ROBO2: variants seen among roughly 807,000 people sequenced by gnomAD.
ROBO2 encodes roundabout guidance receptor 2.
ROBO2 carries 53 observed loss-of-function variants against 160.8 expected under a neutral mutation model. That is an observed-to-expected ratio of 0.33 (90% CI 0.26 to 0.41). ROBO2 has a LOEUF of 0.41. Among genes scored for constraint, ROBO2 ranks in the 10% least tolerant of loss-of-function variants. ROBO2 has a pLI of 1.00. For synonymous variants in ROBO2, 664 were observed against 611.7 expected (o/e 1.09, Z -1.26); for missense variants, 1,577 against 1,722.4 (o/e 0.92, Z 1.49).
At chr3:76,678,032 G>A (rs1475404548) in intron 2 of ROBO2, among the ~76,000 whole-genome samples, 6 of 134,158 alleles carry the variant, frequency 4.5e-5, no homozygotes, top group African/African-American at 1.5e-4. Context: ...GTGCAGTGGC[G>A]TGATCTCAGC....
At chr3:76,327,632 T>C (rs1427034556) in intron 2 of ROBO2, among the ~76,000 whole-genome samples, 1 of 152,154 alleles carries the variant, frequency 6.6e-6, no homozygotes, top group East Asian at 1.9e-4. Context: ...TGCATAAATA[T>C]AAACACTAAT....
chr3:76,887,634 C>T lies in ROBO2; in HGVS notation c.110-210380C>T, dbSNP rs566424599. On this transcript the variant is annotated intron_variant, in intron 2 of 26. Transcript: ENST00000487694. The stretch of plus-strand genomic sequence containing the variant: ...AAAAAATGTCCTGCTAAACATAGTT[C>T]TCTCAAAAATATTTTTCTGAGATTC... Among the ~76,000 whole-genome samples, 4 of 152,176 alleles carry T rather than the reference C, an allele frequency of 2.6e-5. No homozygotes were observed. The South Asian group carries it at 8.3e-4, about 32-fold the overall frequency.
chr3:76,920,814 A>G (rs916896317), intron 2 of ROBO2, among the ~76,000 whole-genome samples: 3 of 152,244 alleles, frequency 2.0e-5, no homozygotes, highest in Non-Finnish European at 2.9e-5. Flanking sequence ...TTTCAAGACA[A>G]TACTTCAGCT....
intron 2 of ROBO2, among the ~76,000 whole-genome samples, chr3:76,292,080 A>C (rs1708832023): frequency 6.6e-6 from 1 of 152,112 alleles, no homozygotes; most frequent in Non-Finnish European, 1.5e-5. Flanking sequence ...TTCTGCCTCG[A>C]TGATCTGTCT....
chr3:76,601,185 C>G (rs1206263896), intron 2 of ROBO2, among the ~76,000 whole-genome samples: 2 of 152,306 alleles, frequency 1.3e-5, no homozygotes, highest in Admixed American at 1.3e-4. Flanking sequence ...TAGCCCCAAT[C>G]CTGGCTGCTT....
At chr3:77,241,142 T>G (rs962382237) in intron 2 of ROBO2, among the ~76,000 whole-genome samples, 1 of 152,260 alleles carries the variant, frequency 6.6e-6, no homozygotes, top group African/African-American at 2.4e-5. Context: ...TTTTTCATAT[T>G]TGATCATTTG....
At chr3:77,554,490 G>T (rs1238767878) in intron 8 of ROBO2, among the ~76,000 whole-genome samples, 2 of 151,944 alleles carry the variant, frequency 1.3e-5, no homozygotes, top group Non-Finnish European at 2.9e-5. Flanking sequence ...TCTGGGCAGG[G>T]TTAATTAAAA....
intron 2 of ROBO2, among the ~76,000 whole-genome samples, chr3:76,326,973 A>G (rs992542292): frequency 3.3e-5 from 5 of 151,994 alleles, no homozygotes; most frequent in Non-Finnish European, 7.4e-5. Flanking sequence ...TACATACATA[A>G]TTTTGTATCT....
At chr3:76,836,149 T>C (rs2067671450) in intron 2 of ROBO2, among the ~76,000 whole-genome samples, 1 of 152,070 alleles carries the variant, frequency 6.6e-6, no homozygotes, top group Non-Finnish European at 1.5e-5. Flanking sequence ...TTTGAAGCTG[T>C]TATTAATATA....
At position 76,984,090 on chromosome 3, in the gene ROBO2, G is replaced by A. The variant is rs569273580; in HGVS notation, c.110-113924G>A. On this transcript the variant is annotated intron_variant, in intron 2 of 26. Coordinates refer to the ROBO2 transcript ENST00000487694. ...TCATGAGACTCACTCACCATCACAA[G>A]AACAGCATGGGGGAAACCGCCCCCC... Among the ~76,000 whole-genome samples, 360 of 152,168 alleles carry A rather than the reference G, an allele frequency of 2.4e-3. 1 individual carries two copies. Among genetic ancestry groups the A allele is most frequent in the African/African-American group, 8.4e-3 (350 of 41,524 alleles).
intron 2 of ROBO2, among the ~76,000 whole-genome samples, chr3:76,211,976 A>G (rs897319236): frequency 6.6e-6 from 1 of 152,046 alleles, no homozygotes; most frequent in Non-Finnish European, 1.5e-5. Context: ...AAGAAATTTC[A>G]TACCTGATAG....
intron 22 of ROBO2, chr3:77,618,167 T>G (rs2094823306): frequency 3.9e-6 from 1 of 254,782 alleles, no homozygotes; most frequent in Admixed American, 5.1e-5. Context: ...AAGACTCCTT[T>G]TAGATTCCTC....
chr3:76,614,276 C>T (rs2088385699), intron 2 of ROBO2, among the ~76,000 whole-genome samples: 1 of 152,110 alleles, frequency 6.6e-6, no homozygotes, highest in South Asian at 2.1e-4. Context: ...GTATCTCAGA[C>T]TACCCACCTT....
chr3:76,426,994 G>A (rs1041791973), intron 2 of ROBO2, among the ~76,000 whole-genome samples: 1 of 152,058 alleles, frequency 6.6e-6, no homozygotes, highest in Admixed American at 6.6e-5. Flanking sequence ...TGCTTATTTA[G>A]CAACACATAG....
intron 2 of ROBO2, among the ~76,000 whole-genome samples, chr3:76,128,883 T>A (rs1034997004): frequency 6.6e-6 from 1 of 151,676 alleles, no homozygotes; most frequent in African/African-American, 2.4e-5. Flanking sequence ...AAAGGAGGAG[T>A]GAGAATTATA....
At chr3:77,270,798 C>G (rs949201523) in intron 2 of ROBO2, among the ~76,000 whole-genome samples, 4 of 152,108 alleles carry the variant, frequency 2.6e-5, no homozygotes, top group African/African-American at 9.7e-5. Context: ...CAAAAAGTAG[C>G]TGTGCATGGT....
intron 2 of ROBO2, among the ~76,000 whole-genome samples, chr3:76,010,699 A>G (rs2066168644): frequency 6.6e-6 from 1 of 152,214 alleles, no homozygotes; most frequent in African/African-American, 2.4e-5. Flanking sequence ...AATTATGATT[A>G]ATTTTATCCT....
intron 2 of ROBO2, among the ~76,000 whole-genome samples, chr3:76,602,567 C>T (rs2087241443): frequency 6.6e-6 from 1 of 152,224 alleles, no homozygotes; most frequent in African/African-American, 2.4e-5. Context: ...GAAAGGGGTT[C>T]CCCTTATCAA....
chr3:77,097,818 C>G (rs888672859), intron 1 of ROBO2, among the ~76,000 whole-genome samples, 196 bp from the exon 2 acceptor site: 1 of 152,124 alleles, frequency 6.6e-6, no homozygotes, highest in Non-Finnish European at 1.5e-5. Flanking sequence ...TTTGAGTTAA[C>G]ATATTAATTT....
Sources: allele counts gnomAD v4.1 joint callset (sites outside exome capture counted in the v4.1 genomes callset), GRCh38; gene constraint gnomAD v4.1.1; transcripts MANE v1.5; gene names NCBI Gene and HGNC (gene_info 2026-07-23, HGNC 2026-07-21).